ZNRF2: variants seen among roughly 807,000 people sequenced by gnomAD.
ZNRF2 encodes zinc and ring finger 2, also known as E3 ubiquitin-protein ligase ZNRF2.
Under a neutral mutation model 20.4 loss-of-function variants are expected in ZNRF2, and 16 were observed. The observed-to-expected ratio is 0.79, with a 90% CI of 0.53 to 1.19. The LOEUF (loss-of-function observed/expected upper bound fraction) is 1.19. Ranked by LOEUF, ZNRF2 falls within the 50% of genes most tolerant of loss-of-function variation. ZNRF2 has a pLI of 0.00. For synonymous variants in ZNRF2, 178 were observed against 144.9 expected (o/e 1.23, Z -1.64); for missense variants, 363 against 332.4 (o/e 1.09, Z -0.72).
At chr7:30,350,742 T>A (rs1294900405) in intron 2 of ZNRF2, among the ~76,000 whole-genome samples, 1 of 152,072 alleles carries the variant, frequency 6.6e-6, no homozygotes, top group Non-Finnish European at 1.5e-5. Flanking sequence ...TAAATTTTTT[T>A]AATTCTTGAT....
At chr7:30,327,747 G>A (rs1310438709) in intron 2 of ZNRF2, among the ~76,000 whole-genome samples, 1 of 151,934 alleles carries the variant, frequency 6.6e-6, no homozygotes, top group South Asian at 2.1e-4. Flanking sequence ...CTGGAGCTCA[G>A]TGGCTATCTA....
At chr7:30,339,808 T>C (rs888879775) in intron 2 of ZNRF2, among the ~76,000 whole-genome samples, 2 of 152,160 alleles carry the variant, frequency 1.3e-5, no homozygotes, top group African/African-American at 4.8e-5. Context: ...AAGAAAGTCA[T>C]TGGTAGCTTA....
At chr7:30,302,540 TG>T (rs1311730775) in intron 1 of ZNRF2, among the ~76,000 whole-genome samples, 231 of 150,630 alleles carry the variant, frequency 1.5e-3, no homozygotes, top group South Asian at 2.7e-3. Context: ...TAAAGTACTA[TG>T]TTTTTTTTTT....
intron 2 of ZNRF2, among the ~76,000 whole-genome samples, chr7:30,325,778 A>C (rs577905369): frequency 6.6e-6 from 1 of 152,310 alleles, no homozygotes; most frequent in African/African-American, 2.4e-5. Context: ...TAATAAATGT[A>C]TTTGTTGATT....
In ZNRF2 at chr7:30,285,576, A is replaced by G. The variant is rs960917496; in HGVS notation, c.219A>G (p.Ala73=). ...CCGCGGCGGCCGCGGCGGCCCCGGC[A>G]GCCCCGGCGGCCCCGCGCAGCCGCT... The part of the protein sequence containing the change: ...GGAAAAAAAP[A]APAAPRSRSL... The change falls in exon 1 of 5, where the codon GCA becomes GCG. Residue 73 remains alanine, a synonymous_variant. Coordinates refer to ENST00000323037, the MANE Select transcript of ZNRF2 (RefSeq NM_147128.4). The G allele has an allele frequency of 2.1e-4, 212 of 999,908 alleles. No individual in the cohort carries two copies. The East Asian group carries it at 4.4e-3, about 21-fold the overall frequency. 61.9% of individuals were successfully genotyped at this position (999,908 alleles called of 1,614,324 possible). A position where few individuals can be genotyped will look rare whatever the true frequency, so the allele number is the denominator to read the frequency against.
chr7:30,293,479 C>T (rs1798950007), intron 1 of ZNRF2, among the ~76,000 whole-genome samples: 1 of 152,136 alleles, frequency 6.6e-6, no homozygotes, highest in African/African-American at 2.4e-5. Flanking sequence ...GAGCTCTTGG[C>T]CTCAAGTGAT....
intron 1 of ZNRF2, among the ~76,000 whole-genome samples, chr7:30,290,381 A>G (rs1453602182): frequency 6.6e-6 from 1 of 152,194 alleles, no homozygotes; most frequent in Non-Finnish European, 1.5e-5. Flanking sequence ...GGCACAACTT[A>G]GCTGTGTCCT....
chr7:30,333,709 AGGT>A (rs1156575775), intron 2 of ZNRF2, among the ~76,000 whole-genome samples: 1 of 152,080 alleles, frequency 6.6e-6, no homozygotes, highest in East Asian at 1.9e-4. Context: ...GACTTGCGTG[AGGT>A]GGTATCTCAT....
chr7:30,307,974 T>G (rs191331915), intron 1 of ZNRF2, among the ~76,000 whole-genome samples: 2 of 152,150 alleles, frequency 1.3e-5, no homozygotes, highest in Non-Finnish European at 2.9e-5. Context: ...TGAATACCAA[T>G]GCACCTGTCA....
chr7:30,306,737 G>A (rs778416458), intron 1 of ZNRF2, among the ~76,000 whole-genome samples: 2 of 152,018 alleles, frequency 1.3e-5, no homozygotes, highest in South Asian at 4.1e-4. Context: ...CTTGCCTGTC[G>A]ACCGTACTTA....
chr7:30,358,747 C>A (rs1174869299), intron 3 of ZNRF2, among the ~76,000 whole-genome samples: 4 of 152,194 alleles, frequency 2.6e-5, no homozygotes, highest in Admixed American at 6.5e-5. Flanking sequence ...TTGTGCCTAT[C>A]TGGAGAGACA....
chr7:30,364,945 C>T (rs1245595331), intron 4 of ZNRF2, among the ~76,000 whole-genome samples: 3 of 152,008 alleles, frequency 2.0e-5, no homozygotes, highest in Non-Finnish European at 4.4e-5. Context: ...TCATTTATGG[C>T]ACCTTCTGTG....
intron 1 of ZNRF2, among the ~76,000 whole-genome samples, chr7:30,315,364 A>T (rs1222595523): frequency 6.6e-6 from 1 of 152,142 alleles, no homozygotes; most frequent in Admixed American, 6.5e-5. Context: ...TAAATCGTTT[A>T]ATTGGTTATA....
chr7:30,289,547 A>G (rs1332345867), intron 1 of ZNRF2, among the ~76,000 whole-genome samples: 1 of 152,206 alleles, frequency 6.6e-6, no homozygotes, highest in Non-Finnish European at 1.5e-5. Context: ...TCTAAGAAAA[A>G]TGAGCCTTCT....
chr7:30,286,409 A>T (rs1334584998), intron 1 of ZNRF2, among the ~76,000 whole-genome samples: 8 of 152,238 alleles, frequency 5.3e-5, no homozygotes, highest in Non-Finnish European at 1.0e-4. Flanking sequence ...CTAAACTGCT[A>T]CTTAAGATCA....
chr7:30,310,515 T>C (rs1302066292), intron 1 of ZNRF2, among the ~76,000 whole-genome samples: 1 of 152,192 alleles, frequency 6.6e-6, no homozygotes, highest in Non-Finnish European at 1.5e-5. Flanking sequence ...CATAAATGAA[T>C]GTGTGTGGCC....
chr7:30,285,789 C>A lies in ZNRF2; in HGVS notation c.432C>A (p.Gly144=). 2 of 1,522,016 alleles carry A rather than the reference C, an allele frequency of 1.3e-6. No homozygotes were observed. The highest frequency in any genetic ancestry group is 1.7e-6 in the Non-Finnish European group (2 of 1,144,242). 94.3% of individuals were successfully genotyped at this position (1,522,016 alleles called of 1,614,324 possible). A position where few individuals can be genotyped will look rare whatever the true frequency, so the allele number is the denominator to read the frequency against. Residue 144 remains glycine (G), a synonymous_variant, in exon 1 of 5, where the codon GGC becomes GGA. Transcript: ENST00000323037. ...GSPGGPRLVI[G]SLPAHLSPHM... is the part of the protein sequence containing the mutation. ...CCGGCGGGCCGCGCCTGGTGATCGG[C>A]TCCTTACCAGCTCACCTCTCGCCGC...
At chr7:30,300,041 C>T (rs1307121434) in intron 1 of ZNRF2, among the ~76,000 whole-genome samples, 1 of 152,008 alleles carries the variant, frequency 6.6e-6, no homozygotes. Context: ...GCCTTGGCCT[C>T]CCAAAGTGCA....
chr7:30,326,521 T>A (rs1180385204), intron 2 of ZNRF2, among the ~76,000 whole-genome samples: 2 of 152,238 alleles, frequency 1.3e-5, no homozygotes, highest in Non-Finnish European at 2.9e-5. Context: ...CACATTTTCT[T>A]TATCCAGTCT....
Sources: allele counts gnomAD v4.1 joint callset (sites outside exome capture counted in the v4.1 genomes callset), GRCh38; gene constraint gnomAD v4.1.1; transcripts MANE v1.5; gene names NCBI Gene and HGNC (gene_info 2026-07-23, HGNC 2026-07-21).